The following NR3C2 variants were observed in gnomAD, a reference collection of about 807,000 sequenced individuals.
The protein encoded by NR3C2 is nuclear receptor subfamily 3 group C member 2, also known as mineralocorticoid receptor.
NR3C2 carries 15 observed loss-of-function variants against 86.4 expected under a neutral mutation model. The observed-to-expected ratio is 0.17, with a 90% CI of 0.12 to 0.27. The LOEUF is 0.27. Among genes scored for constraint, NR3C2 ranks in the 10% least tolerant of loss-of-function variants. The probability of loss-of-function intolerance (pLI) is 1.00; values close to 1 mark genes in which losing one functional copy is unlikely to be tolerated. For missense variants in NR3C2, 960 were observed against 1,195.6 expected, an observed-to-expected ratio of 0.80 and a Z score of 2.91; for synonymous variants, 458 against 450.5, an observed-to-expected ratio of 1.02 and a Z score of -0.21.
chr4:148,221,673 A>G (rs1737853998), intron 3 of NR3C2, among the ~76,000 whole-genome samples: 1 of 152,158 alleles, frequency 6.6e-6, no homozygotes, highest in East Asian at 1.9e-4. Flanking sequence ...CAGGTGGATC[A>G]CTTGAGGCCA....
At chr4:148,273,488 T>A (rs907161935) in intron 2 of NR3C2, among the ~76,000 whole-genome samples, 5 of 152,202 alleles carry the variant, frequency 3.3e-5, no homozygotes, top group South Asian at 2.1e-4. Context: ...TTATATATAG[T>A]AAAATAATGT....
At chr4:148,277,654 A>G (rs1387597267) in intron 2 of NR3C2, among the ~76,000 whole-genome samples, 1 of 152,240 alleles carries the variant, frequency 6.6e-6, no homozygotes, top group African/African-American at 2.4e-5. Context: ...ATAAAAAGTG[A>G]TGTGTTCTTT....
chr4:148,281,941 G>T (rs1741267324), intron 2 of NR3C2, among the ~76,000 whole-genome samples: 3 of 152,214 alleles, frequency 2.0e-5, no homozygotes, highest in Admixed American at 2.0e-4. Context: ...CATTGCAGAG[G>T]CAGTGATACT....
chr4:148,122,164 A>G (rs925310697), intron 6 of NR3C2, among the ~76,000 whole-genome samples: 4 of 151,820 alleles, frequency 2.6e-5, no homozygotes, highest in Non-Finnish European at 5.9e-5. Flanking sequence ...TAGGTTCAGC[A>G]TTTTTTCAAA....
At chr4:148,290,520 T>C (rs1211139948) in intron 2 of NR3C2, among the ~76,000 whole-genome samples, 2 of 152,202 alleles carry the variant, frequency 1.3e-5, no homozygotes, top group East Asian at 3.8e-4. Context: ...CACAGATAAC[T>C]AATATAATGT....
In NR3C2 at chr4:148,080,151, A is replaced by G. The variant is rs574307941; in HGVS notation, c.*1193T>C. On this transcript the variant is annotated 3_prime_UTR_variant, in exon 9 of 9. Coordinates refer to ENST00000358102, the MANE Select transcript of NR3C2 (RefSeq NM_000901.5). ...CCTCCTCTCCCACATGTGTTGTCAA[A>G]TGACACCTTCCAGGAGCTGCAGACA... The G allele has an allele frequency of 6.6e-6, 1 of 152,364 alleles. No individual in the cohort carries two copies. Among genetic ancestry groups the G allele is most frequent in the South Asian group, 2.1e-4 (1 of 4,816 alleles). 9.4% of individuals were successfully genotyped at this position (152,364 alleles called of 1,614,324 possible).
intron 2 of NR3C2, among the ~76,000 whole-genome samples, chr4:148,293,178 T>C (rs998566432): frequency 1.3e-5 from 2 of 152,288 alleles, no homozygotes; most frequent in East Asian, 1.9e-4. Context: ...TACATGTATA[T>C]ATAATAATAT....
chr4:148,154,825 TG>T lies in NR3C2; in HGVS notation c.2090del (p.Pro697HisfsTer76), dbSNP rs544520355. Reference sequence around the variant, plus strand: ...CCTCTGGGCTTTGCGGGGGTGGGGGTGGGGGTGGGGGCTGCTGCTGCTGTGG... The same window carrying T: ...CCTCTGGGCTTTGCGGGGGTGGGGGTGGGGTGGGGGCTGCTGCTGCTGTGG... ...EQPQQQQPPPPPPPPQSPEEG... is the reference protein window; with the variant it reads ...EQPQQQQPPPXPPPPQSPEEG... On this transcript the variant is annotated frameshift_variant, in exon 5 of 9. Transcript: ENST00000358102. LOFTEE classifies it high-confidence loss of function. 1 of 174,322 alleles carries T rather than the reference TG, an allele frequency of 5.7e-6. No individual in the cohort carries two copies. The allele number at this position is 174,322 out of a possible 1,614,324, so 10.8% of individuals were successfully genotyped here. A position where few individuals can be genotyped will look rare whatever the true frequency, so the allele number is the denominator to read the frequency against.
intron 6 of NR3C2, among the ~76,000 whole-genome samples, chr4:148,143,804 A>G (rs557562431): frequency 8.5e-5 from 13 of 152,126 alleles, no homozygotes; most frequent in South Asian, 6.2e-4. Flanking sequence ...AAAATTAACC[A>G]GGTGTGGTGG....
intron 2 of NR3C2, among the ~76,000 whole-genome samples, chr4:148,356,238 T>A (rs528821203): frequency 6.6e-6 from 1 of 152,340 alleles, no homozygotes; most frequent in South Asian, 2.1e-4. Context: ...AAAATGTTAT[T>A]CAAGGTACTA....
chr4:148,213,806 G>A (rs922979493), intron 3 of NR3C2, among the ~76,000 whole-genome samples: 1 of 152,150 alleles, frequency 6.6e-6, no homozygotes, highest in Non-Finnish European at 1.5e-5. Context: ...AAATGAATAC[G>A]CCACGAAACT....
chr4:148,279,426 A>G (rs1741126088), intron 2 of NR3C2, among the ~76,000 whole-genome samples: 1 of 152,238 alleles, frequency 6.6e-6, no homozygotes, highest in Non-Finnish European at 1.5e-5. Flanking sequence ...TGGATGAGCG[A>G]TAACTATCGA....
intron 3 of NR3C2, among the ~76,000 whole-genome samples, chr4:148,196,182 G>A (rs1284130882): frequency 1.3e-5 from 2 of 152,186 alleles, no homozygotes; most frequent in African/African-American, 2.4e-5. Flanking sequence ...ACAGATCAGA[G>A]GAAATGAGGA....
At chr4:148,149,269 AT>A (rs1482205500) in intron 6 of NR3C2, among the ~76,000 whole-genome samples, 1 of 152,170 alleles carries the variant, frequency 6.6e-6, no homozygotes. Context: ...ATTAGAAAGC[AT>A]TTATCTTTTG....
At chr4:148,332,093 T>C (rs1744259223) in intron 2 of NR3C2, among the ~76,000 whole-genome samples, 1 of 152,144 alleles carries the variant, frequency 6.6e-6, no homozygotes, top group Non-Finnish European at 1.5e-5. Flanking sequence ...ATACAAAATA[T>C]CTTTATAAAA....
intron 8 of NR3C2, among the ~76,000 whole-genome samples, chr4:148,092,531 T>G (rs1007936748): frequency 7.9e-5 from 12 of 152,200 alleles, no homozygotes; most frequent in Non-Finnish European, 1.6e-4. Flanking sequence ...CTCTGACTTA[T>G]TCCAAGCTCC....
Position 148,079,122 on chromosome 4 carries a change from A to G in NR3C2, c.*2222T>C, listed in dbSNP as rs1730424475. The G allele has an allele frequency of 6.6e-6, 1 of 152,552 alleles. No individual in the cohort carries two copies. Among genetic ancestry groups the G allele is most frequent in the African/African-American group, 2.4e-5 (1 of 41,462 alleles). 9.4% of individuals were successfully genotyped at this position (152,552 alleles called of 1,614,324 possible). A position where few individuals can be genotyped will look rare whatever the true frequency, so the allele number is the denominator to read the frequency against. On this transcript the variant is annotated 3_prime_UTR_variant, in exon 9 of 9. Transcript: ENST00000358102. ...TCCCAAACCTGGTTAAGTAAGTCAGAATTCCCATTTTATAAAAACTAAGTC... is the reference window on the plus strand; with the variant it reads ...TCCCAAACCTGGTTAAGTAAGTCAGGATTCCCATTTTATAAAAACTAAGTC...
chr4:148,267,641 A>T (rs149169597), intron 2 of NR3C2, among the ~76,000 whole-genome samples: 56 of 152,328 alleles, frequency 3.7e-4, no homozygotes, highest in African/African-American at 1.3e-3. Flanking sequence ...ATTTCTTCTA[A>T]GAATTCTGGC....
At chr4:148,380,424 T>C (rs1224399813) in intron 2 of NR3C2, among the ~76,000 whole-genome samples, 1 of 152,230 alleles carries the variant, frequency 6.6e-6, no homozygotes, top group Non-Finnish European at 1.5e-5. Context: ...GCTATGAACA[T>C]TCGTGTGCAA....
Sources: gnomAD v4.1 joint callset for allele counts (sites outside exome capture counted in the v4.1 genomes callset) on GRCh38, gnomAD v4.1.1 for gene constraint, MANE v1.5 for transcripts, NCBI Gene and HGNC (gene_info 2026-07-23, HGNC 2026-07-21) for gene names.